ZBTB38: variants seen among roughly 807,000 people sequenced by gnomAD.
The protein encoded by ZBTB38 is zinc finger and BTB domain-containing protein 38.
ZBTB38 carries 20 observed loss-of-function variants against 76.8 expected under a neutral mutation model. That is an observed-to-expected ratio of 0.26 (90% CI 0.18 to 0.38). The LOEUF (loss-of-function observed/expected upper bound fraction) is 0.38. Ranked by LOEUF, ZBTB38 falls within the 10% of genes least tolerant of loss-of-function variation. ZBTB38 has a pLI of 1.00. For missense variants in ZBTB38, 1,082 were observed against 1,482.3 expected (o/e 0.73, Z 4.43); for synonymous variants, 504 against 544.2 (o/e 0.93, Z 1.03).
At position 141,360,178 on chromosome 3, in the gene ZBTB38, C is replaced by T. The variant is rs530436215; in HGVS notation, c.-738-8443C>T. ...GGTGAGATCCCAAGTGTCAAAGAGG[C>T]ATTAAACACATGCACCACACAATTC... On this transcript the variant is annotated intron_variant, in intron 1 of 7. Transcript: ENST00000509842. Among the ~76,000 whole-genome samples, 4 of 152,310 alleles carry T rather than the reference C, an allele frequency of 2.6e-5. No individual in the cohort carries two copies. The South Asian group carries it at 8.3e-4, about 32-fold the overall frequency.
In ZBTB38 at chr3:141,444,389, C is replaced by A; in HGVS notation, c.2001C>A (p.Asn667Lys). 3 of 1,614,092 alleles carry A rather than the reference C, an allele frequency of 1.9e-6. No homozygotes were observed. The highest frequency in any genetic ancestry group is 2.5e-6 in the Non-Finnish European group (3 of 1,180,034). Residue 667 changes from asparagine to lysine, a missense_variant, in exon 6 of 6, where the codon AAC becomes AAA. By Grantham distance (94) the Asn-to-Lys change is moderately conservative. Transcript: ENST00000321464. This position sits in a 1 kb window ranked among gnomAD's most constrained non-coding sequence, Gnocchi z 5.1. ...EEALKMDLDN[N>K]FYSTEVSVSS... Reference sequence around the variant, plus strand: ...CATTGAAAATGGATCTTGACAATAACTTTTATTCAACTGAGGTGTCAGTTT... The same window carrying A: ...CATTGAAAATGGATCTTGACAATAAATTTTATTCAACTGAGGTGTCAGTTT...
chr3:141,422,915 A>G (rs2075703081), intron 5 of ZBTB38, among the ~76,000 whole-genome samples: 1 of 152,216 alleles, frequency 6.6e-6, no homozygotes, highest in South Asian at 2.1e-4. Context: ...ATCAAAAAAT[A>G]GGTTTTTTTC....
intron 2 of ZBTB38, among the ~76,000 whole-genome samples, chr3:141,371,039 T>C (rs1944486758): frequency 7.1e-6 from 1 of 140,634 alleles, no homozygotes; most frequent in Non-Finnish European, 1.5e-5. Flanking sequence ...TTTCTTTTCT[T>C]TCTTTCTTTT....
rs751392366 is a variant in ZBTB38, at chr3:141,444,068, C to T, written c.1680C>T (p.Val560=). Residue 560 remains valine (V), a synonymous_variant, in exon 6 of 6, where the codon GTC becomes GTT. Coordinates refer to ENST00000321464, the MANE Select transcript of ZBTB38 (RefSeq NM_001376113.1). The surrounding 1 kb of genome is among the most constrained non-coding windows in gnomAD (Gnocchi z 5.1). The part of the protein sequence containing the change: ...KTANGGLKPS[V]YPYKLYRLLP... ...CAAATGGAGGCTTGAAGCCTAGTGT[C>T]TATCCGTATAAACTTTATAGGCTAC... is the stretch of plus-strand genomic sequence containing the variant. The T allele has an allele frequency of 5.2e-5, 84 of 1,613,976 alleles. No individual in the cohort carries two copies. The highest frequency in any genetic ancestry group is 6.8e-5 in the Non-Finnish European group (80 of 1,180,028).
intron 4 of ZBTB38, among the ~76,000 whole-genome samples, chr3:141,393,216 T>C (rs1030364265): frequency 1.3e-5 from 2 of 152,258 alleles, no homozygotes; most frequent in African/African-American, 2.4e-5. Flanking sequence ...TCTGTGGTCA[T>C]TGCTGCCAAA....
At chr3:141,420,978 A>G (rs1406335995) in intron 5 of ZBTB38, among the ~76,000 whole-genome samples, 2 of 151,694 alleles carry the variant, frequency 1.3e-5, no homozygotes, top group Non-Finnish European at 2.9e-5. Context: ...TGGAAGCCAT[A>G]GGAGAGGAAT....
At chr3:141,431,339 A>ATATATATATATATATAT (rs35348152) in intron 5 of ZBTB38, among the ~76,000 whole-genome samples, 5 of 102,410 alleles carry the variant, frequency 4.9e-5, no homozygotes, top group African/African-American at 6.3e-5. Context: ...AAAAAAAAAA[A>ATATATATATATATATAT]AAATATATAT....
Position 141,445,548 on chromosome 3 carries a change from C to G in ZBTB38, c.3160C>G (p.Gln1054Glu). 1.2e-6 allele frequency: 2 copies of G among 1,614,206 alleles called. No individual in the cohort carries two copies. The highest frequency in any genetic ancestry group is 1.7e-6 in the Non-Finnish European group (2 of 1,180,038). The part of the protein sequence containing the change: ...GRCFSVQGNL[Q>E]KHERIHLGLK... ...GTGCTTTTCGGTGCAAGGAAACTTA[C>G]AGAAACATGAACGCATCCACCTGGG... The change falls in exon 6 of 6, where the codon CAG becomes GAG. Residue 1054 changes from glutamine to glutamate, a missense_variant. By Grantham distance (29) the Gln-to-Glu change is conservative. Coordinates refer to ENST00000321464, the MANE Select transcript of ZBTB38 (RefSeq NM_001376113.1). The surrounding 1 kb of genome is among the most constrained non-coding windows in gnomAD (Gnocchi z 6.5).
chr3:141,337,544 A>G (rs1388853139), intron 1 of ZBTB38, among the ~76,000 whole-genome samples: 2 of 152,366 alleles, frequency 1.3e-5, no homozygotes, highest in South Asian at 2.1e-4. Flanking sequence ...GTATTCTGGC[A>G]TTGTGTAAAC....
chr3:141,344,019 A>G (rs1441928282), intron 1 of ZBTB38, among the ~76,000 whole-genome samples: 1 of 152,192 alleles, frequency 6.6e-6, no homozygotes, highest in Non-Finnish European at 1.5e-5. Context: ...CACAAAATCG[A>G]TTCCATGTCT....
chr3:141,402,696 C>CGGGGT (rs1197513341), intron 4 of ZBTB38: 1 of 151,252 alleles, frequency 6.6e-6, no homozygotes, highest in African/African-American at 2.4e-5. Context: ...CGGGGCGGGG[C>CGGGGT]GGGGTGGGTT....
At position 141,348,713 on chromosome 3, in the gene ZBTB38, A is replaced by G. The variant is rs117326469; in HGVS notation, c.-738-19908A>G. Among the ~76,000 whole-genome samples, 55 of 152,366 alleles carry G rather than the reference A, an allele frequency of 3.6e-4. 1 individual carries two copies. The East Asian group carries it at 8.7e-3, about 24-fold the overall frequency. Reference sequence around the variant, plus strand: ...TTTCAAACATGGAACCTGGCACTGTATCTGTCAAGAGCCAATGAGTATCTG... The same window carrying G: ...TTTCAAACATGGAACCTGGCACTGTGTCTGTCAAGAGCCAATGAGTATCTG... On this transcript the variant is annotated intron_variant, in intron 1 of 7. Transcript: ENST00000509842.
chr3:141,413,169 C>T lies in ZBTB38; in HGVS notation c.-1+9138C>T, dbSNP rs1332202619. ...TAAATAAATATCTGAGGGCCCAGGC[C>T]CATACAGATGATCTCTGTACGCTGG... On this transcript the variant is annotated intron_variant, in intron 5 of 5. Transcript: ENST00000321464. The surrounding 1 kb of genome is among the most constrained non-coding windows in gnomAD (Gnocchi z 4.1). 6.6e-6 allele frequency among the ~76,000 whole-genome samples: 1 copy of T among 152,122 alleles called. No individual in the cohort carries two copies. Among genetic ancestry groups the T allele is most frequent in the Non-Finnish European group, 1.5e-5 (1 of 68,018 alleles).
intron 1 of ZBTB38, among the ~76,000 whole-genome samples, chr3:141,358,450 G>A (rs577534281): frequency 2.5e-4 from 38 of 152,218 alleles, no homozygotes; most frequent in African/African-American, 9.2e-4. Flanking sequence ...AGGCCAGAGG[G>A]TGGAAAACTT....
chr3:141,344,876 A>G (rs907750231), intron 1 of ZBTB38, among the ~76,000 whole-genome samples: 7 of 152,238 alleles, frequency 4.6e-5, no homozygotes, highest in African/African-American at 1.7e-4. Context: ...TTGCCATGGA[A>G]GGTAACATAT....
intron 1 of ZBTB38, among the ~76,000 whole-genome samples, chr3:141,353,820 G>A (rs968599543): frequency 7.2e-5 from 11 of 152,286 alleles, no homozygotes; most frequent in African/African-American, 2.6e-4. Context: ...GTTACTCACT[G>A]TAGATGGAGA....
At chr3:141,414,123 A>T (rs937540114) in intron 5 of ZBTB38, among the ~76,000 whole-genome samples, 1 of 152,228 alleles carries the variant, frequency 6.6e-6, no homozygotes, top group African/African-American at 2.4e-5. Flanking sequence ...ATAGACTAAG[A>T]TCTAAAACTC....
intron 1 of ZBTB38, among the ~76,000 whole-genome samples, chr3:141,353,194 T>C (rs1400761556): frequency 1.3e-5 from 2 of 152,006 alleles, no homozygotes; most frequent in Non-Finnish European, 2.9e-5. Context: ...CCCATCAATC[T>C]CTCTGTCTCT....
intron 5 of ZBTB38, among the ~76,000 whole-genome samples, chr3:141,441,038 A>G (rs1184444497): frequency 6.6e-6 from 1 of 151,488 alleles, no homozygotes; most frequent in Non-Finnish European, 1.5e-5. Flanking sequence ...ATCTCAAAAA[A>G]AAAAAAAAAA....
Sources: allele counts gnomAD v4.1 joint callset (sites outside exome capture counted in the v4.1 genomes callset), GRCh38; gene constraint gnomAD v4.1.1; non-coding constraint Gnocchi (gnomAD v3.1); transcripts MANE v1.5; gene names NCBI Gene and HGNC (gene_info 2026-07-23, HGNC 2026-07-21).